The following PLCG2 variants were observed in gnomAD, a reference collection of about 807,000 sequenced individuals.
PLCG2 encodes 1-phosphatidylinositol 4,5-bisphosphate phosphodiesterase gamma-2.
A neutral mutation model predicts 175.6 loss-of-function variants in PLCG2; 69 were observed. The observed-to-expected ratio is 0.39, with a 90% CI of 0.32 to 0.48. PLCG2 has a LOEUF of 0.48. PLCG2 is among the 20% of genes least tolerant of loss of function. The pLI is 0.91. For missense variants in PLCG2, 1,798 were observed against 1,650.9 expected, an observed-to-expected ratio of 1.09 and a Z score of -1.54; for synonymous variants, 827 against 624.0, an observed-to-expected ratio of 1.33 and a Z score of -4.85.
chr16:81,803,115 T>G (rs1381444095), intron 2 of PLCG2, among the ~76,000 whole-genome samples: 1 of 128,636 alleles, frequency 7.8e-6, no homozygotes, highest in Non-Finnish European at 1.6e-5. Context: ...GCATTTCACT[T>G]TTTTTTTTTT....
At chr16:81,946,720 G>T (rs1462404153) in intron 31 of PLCG2, among the ~76,000 whole-genome samples, 4 of 152,126 alleles carry the variant, frequency 2.6e-5, no homozygotes, top group African/African-American at 4.8e-5. Flanking sequence ...TACAAATAAG[G>T]CGATCATGCA....
At chr16:81,823,395 C>G (rs1029971900) in intron 2 of PLCG2, among the ~76,000 whole-genome samples, 1 of 152,208 alleles carries the variant, frequency 6.6e-6, no homozygotes, top group Non-Finnish European at 1.5e-5. Context: ...AAATGCTGCT[C>G]CCCACCCCTC....
rs1332901431 is a variant in PLCG2, at chr16:81,961,717, T to C, written c.*3719T>C. ...ATTTTTAAAAAGATCATAGTATCTA[T>C]CAAATAACTTATATTAAGAACCTCC... On this transcript the variant is annotated 3_prime_UTR_variant, in exon 33 of 33. Coordinates refer to ENST00000564138, the MANE Select transcript of PLCG2 (RefSeq NM_002661.5). The C allele has an allele frequency of 4.8e-6, 1 of 207,106 alleles. No individual in the cohort carries two copies. Among genetic ancestry groups the C allele is most frequent in the African/African-American group, 2.3e-5 (1 of 43,870 alleles). The allele number at this position is 207,106 out of a possible 1,614,324, so 12.8% of individuals were successfully genotyped here. A position where few individuals can be genotyped will look rare whatever the true frequency, so the allele number is the denominator to read the frequency against.
intron 2 of PLCG2, among the ~76,000 whole-genome samples, chr16:81,795,918 C>A (rs1350331996): frequency 6.6e-6 from 1 of 152,214 alleles, no homozygotes; most frequent in Non-Finnish European, 1.5e-5. Context: ...GCAAGGGATG[C>A]TGGGAAACAT....
intron 1 of PLCG2, among the ~76,000 whole-genome samples, chr16:81,780,065 G>A (rs1910661096): frequency 6.6e-6 from 1 of 152,152 alleles, no homozygotes; most frequent in Non-Finnish European, 1.5e-5. Flanking sequence ...GCCCCGTTTG[G>A]ACGGGGAGCT....
At chr16:81,798,665 C>CTG (rs1911582025) in intron 2 of PLCG2, 1 of 152,318 alleles carries the variant, frequency 6.6e-6, no homozygotes, top group Non-Finnish European at 1.5e-5. Context: ...GGTGAAGTAT[C>CTG]TGTGTGTGTG....
At chr16:81,913,645 A>G (rs1208538253) in intron 19 of PLCG2, among the ~76,000 whole-genome samples, 4 of 152,188 alleles carry the variant, frequency 2.6e-5, no homozygotes, top group Non-Finnish European at 5.9e-5. Context: ...AAAAACTCAG[A>G]TTGCTTCTTG....
At chr16:81,828,359 C>G (rs1210993723) in intron 2 of PLCG2, among the ~76,000 whole-genome samples, 4 of 149,078 alleles carry the variant, frequency 2.7e-5, no homozygotes, top group African/African-American at 9.8e-5. Flanking sequence ...CATTCTCCTG[C>G]CTCAGCCTCC....
chr16:81,900,542 G>T (rs979140623), intron 13 of PLCG2, 70 bp from the exon 14 acceptor site: 1 of 1,419,826 alleles, frequency 7.0e-7, no homozygotes, highest in Non-Finnish European at 9.5e-7. Context: ...AGCTGCCCTG[G>T]CCCCTCTGTG....
At chr16:81,839,084 C>T (rs748526852) in intron 2 of PLCG2, among the ~76,000 whole-genome samples, 22 of 152,216 alleles carry the variant, frequency 1.4e-4, no homozygotes, top group African/African-American at 2.9e-4. Context: ...CATATTGTCA[C>T]GTTTCCACTG....
chr16:81,756,479 G>A lies in PLCG2; in HGVS notation c.-48+513G>A, dbSNP rs116638197. On this transcript the variant is annotated intron_variant, in intron 2 of 5. Transcript: ENST00000565054. The stretch of plus-strand genomic sequence containing the variant: ...GAGGCAGAGAGAGGTTAAGTATGTT[G>A]CCCAAGGTCACACAGTGGAGGAGCC... Among the ~76,000 whole-genome samples the A allele has an allele frequency of 2.0e-3, 304 of 152,280 alleles. 2 individuals carry two copies. The highest frequency in any genetic ancestry group is 6.9e-3 in the African/African-American group (287 of 41,552).
At chr16:81,787,742 C>G (rs904172172) in intron 2 of PLCG2, among the ~76,000 whole-genome samples, 2 of 152,196 alleles carry the variant, frequency 1.3e-5, no homozygotes, top group South Asian at 2.1e-4. Context: ...CCTCATCCCC[C>G]CTACCAGACG....
At chr16:81,778,141 A>G, upstream of PLCG2, among the ~76,000 whole-genome samples, 1 of 151,994 alleles carries the variant, frequency 6.6e-6, no homozygotes, top group East Asian at 1.9e-4. Context: ...TTTGGGAGGT[A>G]GAGGCAGGAG....
At position 81,858,372 on chromosome 16, in the gene PLCG2, C is replaced by G. The variant is rs750071329; in HGVS notation, c.431+16C>G. The G allele has an allele frequency of 3.2e-6, 5 of 1,574,748 alleles. No individual in the cohort carries two copies. The highest frequency in any genetic ancestry group is 1.1e-5 in the South Asian group (1 of 90,280). On this transcript the variant is annotated intron_variant, in intron 4 of 32. Transcript: ENST00000564138. ...TTATCGAGAGGTAGTTGGCTTTTGC[C>G]TGTTGATTTGCGTAGTTGCTGATTC...
At position 81,871,321 on chromosome 16, in the gene PLCG2, A is replaced by G. The variant is rs567834353; in HGVS notation, c.648+386A>G. Among the ~76,000 whole-genome samples the G allele has an allele frequency of 3.3e-5, 5 of 152,070 alleles. No homozygotes were observed. The East Asian group carries it at 5.8e-4, about 18-fold the overall frequency. ...ATCTCCAGATTGAGGAATTATATAT[A>G]TGTTTCTTCTTTTTACACGTTTGTT... On this transcript the variant is annotated intron_variant, in intron 7 of 32. Transcript: ENST00000564138.
At chr16:81,788,071 T>C (rs1053225897) in intron 2 of PLCG2, among the ~76,000 whole-genome samples, 1 of 152,182 alleles carries the variant, frequency 6.6e-6, no homozygotes, top group African/African-American at 2.4e-5. Flanking sequence ...TTATTTGTTT[T>C]GGGTATATAC....
chr16:81,775,551 G>A (rs1486810280), upstream of PLCG2, among the ~76,000 whole-genome samples: 1 of 152,158 alleles, frequency 6.6e-6, no homozygotes, highest in African/African-American at 2.4e-5. Flanking sequence ...CCCCTCAGAT[G>A]TAGGTACATT....
At chr16:81,952,198 C>A (rs940756534) in intron 31 of PLCG2, among the ~76,000 whole-genome samples, 5 of 151,966 alleles carry the variant, frequency 3.3e-5, no homozygotes, top group African/African-American at 1.2e-4. Flanking sequence ...TTTATACCAA[C>A]CCTTCCAAAA....
intron 29 of PLCG2, among the ~76,000 whole-genome samples, chr16:81,939,578 T>C (rs1285601736): frequency 6.6e-6 from 1 of 151,298 alleles, no homozygotes; most frequent in African/African-American, 2.5e-5. Flanking sequence ...CTTTTGTCTT[T>C]TCCAAAATCC....
Sources: allele counts gnomAD v4.1 joint callset (sites outside exome capture counted in the v4.1 genomes callset), GRCh38; gene constraint gnomAD v4.1.1; transcripts MANE v1.5; gene names NCBI Gene and HGNC (gene_info 2026-07-23, HGNC 2026-07-21).